Variants in DPH6 observed in about 807,000 individuals in gnomAD.
DPH6 encodes diphthine--ammonia ligase.
DPH6 carries 33 observed loss-of-function variants against 38.2 expected under a neutral mutation model. That is an observed-to-expected ratio of 0.86 (90% CI 0.65 to 1.15). The LOEUF is 1.15. DPH6 is among the 50% of genes most tolerant of loss of function. The pLI is 0.00. For synonymous variants in DPH6, 108 were observed against 103.0 expected (o/e 1.05, Z -0.30); for missense variants, 325 against 320.0 (o/e 1.02, Z -0.12).
intron 3 of DPH6, 115 bp from the exon 4 acceptor site, chr15:35,454,935 A>T: frequency 1.5e-6 from 1 of 660,490 alleles, no homozygotes; most frequent in Non-Finnish European, 2.5e-6. Flanking sequence ...CTCAAACCAG[A>T]GTAATTTACT....
chr15:35,277,553 T>C (rs984540622), intron 3 of DPH6, among the ~76,000 whole-genome samples: 2 of 152,096 alleles, frequency 1.3e-5, no homozygotes, highest in African/African-American at 4.8e-5. Context: ...TGGAACTGGG[T>C]AACAGGCAGA....
the DPH6 span, among the ~76,000 whole-genome samples, chr15:35,195,543 C>T: frequency 6.6e-6 from 1 of 152,112 alleles, no homozygotes; most frequent in Non-Finnish European, 1.5e-5. Flanking sequence ...GGTTAAAATG[C>T]CGATTTACCT....
chr15:35,401,257 G>A, intron 6 of DPH6: 2 of 1,009,738 alleles, frequency 2.0e-6, no homozygotes, highest in Non-Finnish European at 3.1e-6. Context: ...TGGAAACTTT[G>A]GTGGTGGTTG....
intron 3 of DPH6, among the ~76,000 whole-genome samples, chr15:35,275,235 T>C (rs2051850005): frequency 6.6e-6 from 1 of 152,072 alleles, no homozygotes; most frequent in Non-Finnish European, 1.5e-5. Context: ...CATTCTACTA[T>C]AAAGACACAT....
intron 3 of DPH6, among the ~76,000 whole-genome samples, chr15:35,515,039 T>G (rs1459073083): frequency 3.9e-5 from 6 of 152,154 alleles, no homozygotes; most frequent in Non-Finnish European, 4.4e-5. Flanking sequence ...TGTTAAGTCT[T>G]TAAGACAGAC....
chr15:35,284,840 C>T (rs2051929907), intron 3 of DPH6, among the ~76,000 whole-genome samples: 1 of 98,418 alleles, frequency 1.0e-5, no homozygotes, highest in Non-Finnish European at 1.8e-5. Context: ...TGAGACAAGG[C>T]TTCATTCTGT....
At chr15:35,532,720 C>T (rs553684028) in intron 3 of DPH6, among the ~76,000 whole-genome samples, 1 of 152,068 alleles carries the variant, frequency 6.6e-6, no homozygotes, top group South Asian at 2.1e-4. Flanking sequence ...TATAAGCTCA[C>T]TGCTTTAGCC....
chr15:35,258,501 C>T (rs1340423696), intron 3 of DPH6, among the ~76,000 whole-genome samples: 2 of 152,132 alleles, frequency 1.3e-5, no homozygotes, highest in African/African-American at 4.8e-5. Context: ...CTAAATATTT[C>T]ATAAGTGAGG....
chr15:35,376,335 C>G (rs2052780326), intron 7 of DPH6, among the ~76,000 whole-genome samples: 1 of 152,094 alleles, frequency 6.6e-6, no homozygotes, highest in Non-Finnish European at 1.5e-5. Context: ...TAGAAACTCA[C>G]AGTGATTTTT....
intron 3 of DPH6, among the ~76,000 whole-genome samples, chr15:35,363,159 TA>T (rs1006887289): frequency 1.3e-5 from 2 of 152,208 alleles, no homozygotes; most frequent in Non-Finnish European, 2.9e-5. Context: ...TCACGTTTGC[TA>T]ATTGTGTTAT....
At chr15:35,449,284 T>C (rs2053898849) in intron 5 of DPH6, among the ~76,000 whole-genome samples, 1 of 152,020 alleles carries the variant, frequency 6.6e-6, no homozygotes, top group African/African-American at 2.4e-5. Context: ...ATCAGCTCAG[T>C]TTTTACATTT....
intron 5 of DPH6, among the ~76,000 whole-genome samples, chr15:35,443,845 T>A (rs2053818126): frequency 6.6e-6 from 1 of 150,526 alleles, no homozygotes; most frequent in Admixed American, 6.6e-5. Flanking sequence ...ACATACAATG[T>A]GATATTTATT....
chr15:35,211,404 T>C, the DPH6 span, among the ~76,000 whole-genome samples: 2 of 152,194 alleles, frequency 1.3e-5, no homozygotes, highest in Non-Finnish European at 2.9e-5. Context: ...TCCTCATAAC[T>C]GTCTGTAGAG....
At chr15:35,477,449 ATGG>A (rs1339644594) in intron 3 of DPH6, among the ~76,000 whole-genome samples, 8 of 151,836 alleles carry the variant, frequency 5.3e-5, no homozygotes, top group African/African-American at 1.9e-4. Flanking sequence ...CAAAGGCTGC[ATGG>A]TATCAGTGTA....
At chr15:35,522,805 C>T (rs2054940830) in intron 3 of DPH6, among the ~76,000 whole-genome samples, 1 of 152,012 alleles carries the variant, frequency 6.6e-6, no homozygotes, top group Non-Finnish European at 1.5e-5. Context: ...TAAAATATAT[C>T]CTACAGATAA....
chr15:35,430,411 A>G (rs1427846036), intron 5 of DPH6, among the ~76,000 whole-genome samples: 1 of 149,454 alleles, frequency 6.7e-6, no homozygotes, highest in Non-Finnish European at 1.5e-5. Context: ...AAAAAAATGC[A>G]ATTATTGAAG....
At chr15:35,213,095 T>A (rs562237432), downstream of DPH6, among the ~76,000 whole-genome samples, 5 of 152,220 alleles carry the variant, frequency 3.3e-5, no homozygotes, top group Non-Finnish European at 7.3e-5. Flanking sequence ...AGCCACAGTC[T>A]GCGTTTCATG....
intron 5 of DPH6, among the ~76,000 whole-genome samples, chr15:35,438,439 G>A (rs2053745359): frequency 1.3e-5 from 2 of 152,140 alleles, no homozygotes; most frequent in Admixed American, 1.3e-4. Flanking sequence ...TTTCCTCGTG[G>A]AGCCCCAGGA....
At chr15:35,259,141 T>C in intron 3 of DPH6, among the ~76,000 whole-genome samples, 1 of 73,640 alleles carries the variant, frequency 1.4e-5, no homozygotes, top group African/African-American at 3.6e-5. Flanking sequence ...CAAGACTCCG[T>C]CTCAAAAAAA....
Sources: gnomAD v4.1 joint callset for allele counts (sites outside exome capture counted in the v4.1 genomes callset) on GRCh38, gnomAD v4.1.1 for gene constraint, MANE v1.5 for transcripts, NCBI Gene and HGNC (gene_info 2026-07-23, HGNC 2026-07-21) for gene names.